The following IMMP2L variants were observed in gnomAD, a reference collection of about 807,000 sequenced individuals.
IMMP2L encodes inner mitochondrial membrane peptidase subunit 2, also known as mitochondrial inner membrane protease subunit 2.
IMMP2L carries 18 observed loss-of-function variants against 19.3 expected under a neutral mutation model. The observed-to-expected ratio is 0.93, with a 90% confidence interval of 0.64 to 1.38. The LOEUF is 1.38. IMMP2L is among the 40% of genes most tolerant of loss of function. IMMP2L has a pLI of 0.00. For synonymous variants in IMMP2L, 76 were observed against 73.0 expected (o/e 1.04, Z -0.21); for missense variants, 233 against 218.2 (o/e 1.07, Z -0.43).
At chr7:110,804,059 C>T (rs1334289651) in intron 5 of IMMP2L, among the ~76,000 whole-genome samples, 1 of 152,160 alleles carries the variant, frequency 6.6e-6, no homozygotes, top group East Asian at 1.9e-4. Context: ...TTTGCCAATA[C>T]TCTACATCTA....
At chr7:111,417,032 T>C (rs1835015126) in intron 3 of IMMP2L, among the ~76,000 whole-genome samples, 1 of 151,782 alleles carries the variant, frequency 6.6e-6, no homozygotes, top group African/African-American at 2.4e-5. Context: ...CTTTCTTAGT[T>C]GCACTCACCA....
chr7:111,173,164 A>T (rs2129609495), intron 3 of IMMP2L, among the ~76,000 whole-genome samples: 1 of 151,722 alleles, frequency 6.6e-6, no homozygotes, highest in African/African-American at 2.4e-5. Flanking sequence ...TGTTGCAGTC[A>T]TTGGAAGATT....
At chr7:111,016,730 AAT>A (rs1491258033) in intron 3 of IMMP2L, among the ~76,000 whole-genome samples, 46 of 98,032 alleles carry the variant, frequency 4.7e-4, no homozygotes, top group South Asian at 5.8e-4. Context: ...TTATATATAA[AAT>A]ATATATATTA....
intron 5 of IMMP2L, among the ~76,000 whole-genome samples, chr7:110,781,291 G>A (rs1179020419): frequency 8.6e-5 from 13 of 151,876 alleles, no homozygotes; most frequent in South Asian, 8.3e-4. Flanking sequence ...CTATATCCAC[G>A]ATACAATACT....
chr7:110,800,401 T>C (rs1801164550), intron 5 of IMMP2L, among the ~76,000 whole-genome samples: 1 of 152,046 alleles, frequency 6.6e-6, no homozygotes, highest in Non-Finnish European at 1.5e-5. Context: ...TTCAGGGTTT[T>C]CCATGAATCT....
At chr7:111,043,408 A>G (rs1404688025) in intron 3 of IMMP2L, among the ~76,000 whole-genome samples, 1 of 148,764 alleles carries the variant, frequency 6.7e-6, no homozygotes, top group Non-Finnish European at 1.5e-5. Context: ...TTAACATCTC[A>G]ACAGTTTATT....
chr7:110,934,966 T>C (rs575886612), intron 4 of IMMP2L, among the ~76,000 whole-genome samples: 19 of 152,334 alleles, frequency 1.2e-4, no homozygotes, highest in Non-Finnish European at 2.1e-4. Context: ...CCAGTCTGTG[T>C]CTTTTAACGG....
At chr7:111,383,606 C>T (rs1584890885) in intron 3 of IMMP2L, among the ~76,000 whole-genome samples, 1 of 152,026 alleles carries the variant, frequency 6.6e-6, no homozygotes, top group Non-Finnish European at 1.5e-5. Flanking sequence ...TTAAACAGTA[C>T]TTTATTTCCC....
At chr7:111,082,901 T>G (rs371975973) in intron 3 of IMMP2L, among the ~76,000 whole-genome samples, 5 of 152,142 alleles carry the variant, frequency 3.3e-5, no homozygotes, top group African/African-American at 1.2e-4. Flanking sequence ...TTTGTTTGAT[T>G]GTATTTTACA....
At chr7:111,233,391 A>G (rs989535004) in intron 3 of IMMP2L, among the ~76,000 whole-genome samples, 6 of 152,132 alleles carry the variant, frequency 3.9e-5, no homozygotes, top group African/African-American at 1.4e-4. Context: ...AAGGTTCAAA[A>G]TACTCTCTAA....
intron 5 of IMMP2L, among the ~76,000 whole-genome samples, chr7:110,778,162 GGACA>G (rs543496821): frequency 4.7e-4 from 71 of 151,864 alleles, no homozygotes; most frequent in Non-Finnish European, 9.1e-4. Flanking sequence ...GAAATCTAAT[GGACA>G]GAGAGTCTAG....
At chr7:110,965,421 GC>G (rs1222746674) in intron 3 of IMMP2L, among the ~76,000 whole-genome samples, 1 of 151,820 alleles carries the variant, frequency 6.6e-6, no homozygotes, top group Non-Finnish European at 1.5e-5. Flanking sequence ...AATCACGTAA[GC>G]TAGTTGCATT....
At chr7:110,674,010 C>T (rs1294493331) in intron 5 of IMMP2L, among the ~76,000 whole-genome samples, 2 of 152,166 alleles carry the variant, frequency 1.3e-5, no homozygotes, top group African/African-American at 2.4e-5. Context: ...ACTCCCAGTA[C>T]CAACTTACTG....
chr7:111,357,918 C>T (rs963375522), intron 3 of IMMP2L, among the ~76,000 whole-genome samples: 2 of 151,734 alleles, frequency 1.3e-5, no homozygotes, highest in Non-Finnish European at 2.9e-5. Context: ...TGCTATAATG[C>T]CTCCTACACC....
rs1286708511 is a variant in IMMP2L at position 111,122,734 on chromosome 7, C to A, written c.240-159169G>T. ...AACTTACTAGCACTGACTGTGGAAT[C>A]CTTAAGGGCCCATTACATTTCTGAA... On this transcript the variant is annotated intron_variant, in intron 3 of 5. Transcript: ENST00000405709. 8.6e-6 allele frequency: 13 copies of A among 1,520,458 alleles called. No homozygotes were observed. In the South Asian group the frequency reaches 1.5e-4, roughly 17 times the overall value. The allele number at this position is 1,520,458 out of a possible 1,614,324, so 94.2% of individuals were successfully genotyped here.
chr7:110,789,740 C>T (rs1270378541), intron 5 of IMMP2L, among the ~76,000 whole-genome samples: 1 of 151,610 alleles, frequency 6.6e-6, no homozygotes, highest in Non-Finnish European at 1.5e-5. Flanking sequence ...TCCTCCCTGC[C>T]TGACATGTTA....
At chr7:110,696,425 CTTTT>C (rs374621101) in intron 5 of IMMP2L, among the ~76,000 whole-genome samples, 3 of 119,852 alleles carry the variant, frequency 2.5e-5, no homozygotes, top group East Asian at 2.5e-4. Flanking sequence ...TCCTTTTTCT[CTTTT>C]TTTTTTTTTT....
At chr7:111,081,140 C>T (rs1347108043) in intron 3 of IMMP2L, among the ~76,000 whole-genome samples, 1 of 152,066 alleles carries the variant, frequency 6.6e-6, no homozygotes, top group African/African-American at 2.4e-5. Flanking sequence ...TTGGGATGCC[C>T]CATTAAATGC....
intron 5 of IMMP2L, among the ~76,000 whole-genome samples, chr7:110,880,655 T>C (rs1450983855): frequency 6.6e-6 from 1 of 152,018 alleles, no homozygotes; most frequent in African/African-American, 2.4e-5. Flanking sequence ...ACCAATTACA[T>C]CTTACAAGTA....
Sources: allele counts gnomAD v4.1 joint callset (sites outside exome capture counted in the v4.1 genomes callset), GRCh38; gene constraint gnomAD v4.1.1; transcripts MANE v1.5; gene names NCBI Gene and HGNC (gene_info 2026-07-23, HGNC 2026-07-21).